The following ZNF804A variants were observed in gnomAD, a reference collection of about 807,000 sequenced individuals.
The protein encoded by ZNF804A is zinc finger protein 804A.
Under a neutral mutation model 16.5 loss-of-function variants are expected in ZNF804A, and 2 were observed. The ratio of observed to expected loss-of-function variants is 0.12; its 90% CI spans 0.05 to 0.38. The LOEUF is 0.38. ZNF804A is among the 10% of genes least tolerant of loss of function. ZNF804A has a pLI of 0.99. For synonymous variants in ZNF804A, 534 were observed against 489.6 expected, an observed-to-expected ratio of 1.09 and a Z score of -1.20; for missense variants, 1,473 against 1,390.7, an observed-to-expected ratio of 1.06 and a Z score of -0.94.
intron 1 of ZNF804A, among the ~76,000 whole-genome samples, chr2:184,676,635 T>G (rs1312183998): frequency 6.6e-6 from 1 of 151,698 alleles, no homozygotes; most frequent in Non-Finnish European, 1.5e-5. Context: ...AGTATAAATA[T>G]AATGTTTTTT....
At chr2:184,758,104 T>C (rs975225542) in intron 1 of ZNF804A, among the ~76,000 whole-genome samples, 20 of 152,004 alleles carry the variant, frequency 1.3e-4, no homozygotes. Flanking sequence ...CAGGAGTGCT[T>C]GTAGACTCTA....
intron 1 of ZNF804A, among the ~76,000 whole-genome samples, chr2:184,807,011 C>T (rs1423413989): frequency 6.6e-6 from 1 of 151,586 alleles, no homozygotes; most frequent in East Asian, 1.9e-4. Flanking sequence ...GATGAGGAAA[C>T]ATTAGTATGA....
intron 1 of ZNF804A, among the ~76,000 whole-genome samples, chr2:184,833,449 A>C (rs1191189773): frequency 6.6e-6 from 1 of 152,070 alleles, no homozygotes; most frequent in Admixed American, 6.6e-5. Context: ...GCAGTTTAGC[A>C]CCTGAAATGT....
At chr2:184,765,197 C>A (rs564695418) in intron 1 of ZNF804A, among the ~76,000 whole-genome samples, 26 of 152,172 alleles carry the variant, frequency 1.7e-4, no homozygotes, top group African/African-American at 6.3e-4. Context: ...TGTGGGTAAG[C>A]CAATTTTATC....
At chr2:184,774,755 A>G (rs575122320) in intron 1 of ZNF804A, among the ~76,000 whole-genome samples, 2 of 151,732 alleles carry the variant, frequency 1.3e-5, no homozygotes, top group African/African-American at 4.8e-5. Flanking sequence ...TATTTGAGGT[A>G]GTGTTAATGA....
At chr2:184,659,901 A>G (rs1443503168) in intron 1 of ZNF804A, among the ~76,000 whole-genome samples, 1 of 152,220 alleles carries the variant, frequency 6.6e-6, no homozygotes, top group Non-Finnish European at 1.5e-5. Context: ...TCCAGCCAAG[A>G]GGCAGACCTG....
chr2:184,681,309 G>T (rs1036638175), intron 1 of ZNF804A, among the ~76,000 whole-genome samples: 3 of 152,114 alleles, frequency 2.0e-5, no homozygotes, highest in Non-Finnish European at 4.4e-5. Flanking sequence ...CCCACTAAAA[G>T]CAGATTGTAA....
intron 1 of ZNF804A, among the ~76,000 whole-genome samples, chr2:184,625,170 A>G (rs1375841695): frequency 6.6e-6 from 1 of 152,172 alleles, no homozygotes; most frequent in East Asian, 1.9e-4. Context: ...ATAATAATAA[A>G]TGTGGGTTTT....
chr2:184,859,532 G>T (rs1399751267), intron 1 of ZNF804A, among the ~76,000 whole-genome samples: 2 of 151,600 alleles, frequency 1.3e-5, no homozygotes, highest in East Asian at 1.9e-4. Context: ...TCTGTGTTTT[G>T]TTAAAGTTCA....
Position 184,911,325 on chromosome 2 carries a change from C to G in ZNF804A, c.256-22278C>G, listed in dbSNP as rs567276770. On this transcript the variant is annotated intron_variant, in intron 2 of 3. Transcript: ENST00000302277. ...GGGTTTGCTCTTCGGTTCCATTTGT[C>G]TATGTGTTTGTTTTTGTACCAGTAC... is the stretch of plus-strand genomic sequence containing the variant. Among the ~76,000 whole-genome samples the G allele has an allele frequency of 2.0e-5, 3 of 152,022 alleles. No homozygotes were observed. In the South Asian group the frequency reaches 6.2e-4, roughly 32 times the overall value.
chr2:184,919,369 C>T (rs1355388870), intron 2 of ZNF804A, among the ~76,000 whole-genome samples: 1 of 152,192 alleles, frequency 6.6e-6, no homozygotes, highest in Admixed American at 6.5e-5. Context: ...CAATGATGGC[C>T]ATAGCCAGGT....
chr2:184,763,818 A>G (rs1302125518), intron 1 of ZNF804A, among the ~76,000 whole-genome samples: 3 of 150,890 alleles, frequency 2.0e-5, no homozygotes, highest in Non-Finnish European at 3.0e-5. Flanking sequence ...AATTTTTTGT[A>G]TTTTTAGTAG....
chr2:184,825,896 G>A (rs1264410287), intron 1 of ZNF804A, among the ~76,000 whole-genome samples: 1 of 151,656 alleles, frequency 6.6e-6, no homozygotes, highest in East Asian at 1.9e-4. Context: ...TTCTGAGACA[G>A]AGTCTCACTC....
chr2:184,860,711 C>T (rs1319281155), intron 1 of ZNF804A, among the ~76,000 whole-genome samples: 4 of 152,222 alleles, frequency 2.6e-5, no homozygotes, highest in African/African-American at 2.4e-5. Flanking sequence ...TCTGATGCCA[C>T]AGGCAGTGGC....
At chr2:184,914,795 T>A (rs936577235) in intron 2 of ZNF804A, among the ~76,000 whole-genome samples, 2 of 151,936 alleles carry the variant, frequency 1.3e-5, no homozygotes, top group African/African-American at 2.4e-5. Context: ...CCACTACAAC[T>A]GTGTCTATAT....
In ZNF804A at chr2:184,770,133, A is replaced by G. The variant is rs192333048; in HGVS notation, c.112-96236A>G. Among the ~76,000 whole-genome samples, 58 of 152,186 alleles carry G rather than the reference A, an allele frequency of 3.8e-4. 1 individual carries two copies. In the East Asian group the frequency reaches 0.011, roughly 28 times the overall value. ...GAGGAGAACAACTGAAAGACAAGTT[A>G]GAAATCATCTGATTTAAAGACTATC... On this transcript the variant is annotated intron_variant, in intron 1 of 3. Transcript: ENST00000302277.
chr2:184,667,706 T>C (rs1385544936), intron 1 of ZNF804A, among the ~76,000 whole-genome samples: 1 of 151,836 alleles, frequency 6.6e-6, no homozygotes, highest in Non-Finnish European at 1.5e-5. Context: ...TGTAACTTGA[T>C]CCAGTTCCAG....
chr2:184,678,306 A>G (rs1692474602), intron 1 of ZNF804A, among the ~76,000 whole-genome samples: 1 of 152,070 alleles, frequency 6.6e-6, no homozygotes, highest in African/African-American at 2.4e-5. Flanking sequence ...CATTCTGAAA[A>G]CCAGACAGTG....
intron 2 of ZNF804A, among the ~76,000 whole-genome samples, chr2:184,913,065 T>G (rs930626873): frequency 3.9e-5 from 6 of 152,116 alleles, no homozygotes; most frequent in Non-Finnish European, 8.8e-5. Context: ...AGATTTAGTT[T>G]TATATTTATG....
Sources: gnomAD v4.1 joint callset for allele counts (sites outside exome capture counted in the v4.1 genomes callset) on GRCh38, gnomAD v4.1.1 for gene constraint, MANE v1.5 for transcripts, NCBI Gene and HGNC (gene_info 2026-07-23, HGNC 2026-07-21) for gene names.